Variants in CHST11 observed in about 807,000 individuals in gnomAD.
CHST11 encodes the protein carbohydrate sulfotransferase 11, also known as C4S-1.
In CHST11, 9 loss-of-function variants were observed where a neutral mutation model predicts 30.4. The observed-to-expected ratio is 0.30, with a 90% CI of 0.18 to 0.52. The LOEUF (loss-of-function observed/expected upper bound fraction) is 0.52. Among genes scored for constraint, CHST11 ranks in the 20% least tolerant of loss-of-function variants. The probability of loss-of-function intolerance (pLI) is 0.97; values close to 1 mark genes in which losing one functional copy is unlikely to be tolerated. For synonymous variants in CHST11, 152 were observed against 187.8 expected (o/e 0.81, Z 1.56); for missense variants, 348 against 460.6 (o/e 0.76, Z 2.24).
chr12:104,578,628 T>A (rs1304255544), intron 1 of CHST11, among the ~76,000 whole-genome samples: 1 of 152,206 alleles, frequency 6.6e-6, no homozygotes, highest in East Asian at 1.9e-4. Flanking sequence ...TGTCCCAGAA[T>A]CCCTAAGTCC....
At chr12:104,590,580 A>G (rs569670037) in intron 1 of CHST11, among the ~76,000 whole-genome samples, 2 of 152,322 alleles carry the variant, frequency 1.3e-5, no homozygotes, top group South Asian at 4.1e-4. Context: ...GACAACAGCC[A>G]ATAAAGCATT....
chr12:104,613,523 G>C (rs2039080289), intron 2 of CHST11, among the ~76,000 whole-genome samples: 1 of 152,160 alleles, frequency 6.6e-6, no homozygotes, highest in African/African-American at 2.4e-5. Flanking sequence ...TCTCATGATA[G>C]TGAGTGAGTT....
At chr12:104,503,045 A>G (rs377456845) in intron 1 of CHST11, among the ~76,000 whole-genome samples, 9 of 152,318 alleles carry the variant, frequency 5.9e-5, no homozygotes, top group African/African-American at 2.2e-4. Flanking sequence ...AGTCTTACAT[A>G]ATATTTAGGT....
chr12:104,478,224 G>A (rs578158611), intron 1 of CHST11, among the ~76,000 whole-genome samples: 13 of 152,250 alleles, frequency 8.5e-5, no homozygotes, highest in African/African-American at 3.1e-4. Context: ...AGCTTCCTGT[G>A]TAGTATTTCT....
chr12:104,706,689 G>C (rs1310726067), intron 2 of CHST11, among the ~76,000 whole-genome samples: 1 of 152,084 alleles, frequency 6.6e-6, no homozygotes, highest in African/African-American at 2.4e-5. Flanking sequence ...TCTGACACGA[G>C]GCTCTCAACA....
intron 2 of CHST11, among the ~76,000 whole-genome samples, chr12:104,654,481 G>A (rs2039523895): frequency 6.6e-6 from 1 of 152,158 alleles, no homozygotes; most frequent in South Asian, 2.1e-4. Flanking sequence ...TGTGCAGTGA[G>A]GACAGTGCAG....
intron 2 of CHST11, among the ~76,000 whole-genome samples, chr12:104,634,567 T>A: frequency 6.6e-6 from 1 of 152,188 alleles, no homozygotes. Flanking sequence ...CGAGGGTCTC[T>A]CCCCTCTTCA....
At chr12:104,651,306 A>G (rs748707196) in intron 2 of CHST11, among the ~76,000 whole-genome samples, 6 of 152,196 alleles carry the variant, frequency 3.9e-5, no homozygotes, top group African/African-American at 7.2e-5. Flanking sequence ...AAAAGTTAAT[A>G]TGAGCCAAGA....
At chr12:104,514,913 G>A (rs540073834) in intron 1 of CHST11, among the ~76,000 whole-genome samples, 13 of 152,272 alleles carry the variant, frequency 8.5e-5, no homozygotes, top group African/African-American at 1.9e-4. Context: ...TTTCCTCAGC[G>A]GTAAACTGGG....
At chr12:104,625,526 A>G (rs1327883967) in intron 2 of CHST11, among the ~76,000 whole-genome samples, 1 of 152,140 alleles carries the variant, frequency 6.6e-6, no homozygotes, top group Non-Finnish European at 1.5e-5. Flanking sequence ...GCTGGTCTTG[A>G]ACTCCTGACC....
At chr12:104,555,498 C>T (rs1284707546) in intron 1 of CHST11, among the ~76,000 whole-genome samples, 1 of 152,226 alleles carries the variant, frequency 6.6e-6, no homozygotes, top group Non-Finnish European at 1.5e-5. Context: ...TTCCTGTCTT[C>T]TCTGCATATT....
Position 104,475,658 on chromosome 12 carries a change from TTATA to T in CHST11, c.118+18159_118+18162del, listed in dbSNP as rs67453124. 5.7e-3 allele frequency among the ~76,000 whole-genome samples: 196 copies of T among 34,156 alleles called. 4 individuals carry two copies. The highest frequency in any genetic ancestry group is 0.026 in the Middle Eastern group (1 of 38). 22.4% of individuals were successfully genotyped at this position (34,156 alleles called of 152,430 possible). On this transcript the variant is annotated intron_variant, in intron 1 of 2. Coordinates refer to ENST00000303694, the MANE Select transcript of CHST11 (RefSeq NM_018413.6). ...TATGATGCCTCAGAGTAAAGCAGCATTATATATATATATATATATATATATATAT... is the reference window on the plus strand; with the variant it reads ...TATGATGCCTCAGAGTAAAGCAGCATTATATATATATATATATATATATAT...
intron 1 of CHST11, among the ~76,000 whole-genome samples, chr12:104,486,681 C>T (rs769469671): frequency 2.2e-4 from 33 of 152,220 alleles, no homozygotes; most frequent in Middle Eastern, 3.4e-3. Context: ...TTGCCAGGGC[C>T]GCTCCCTGGC....
rs146105974 is a variant in CHST11, at chr12:104,570,880, G to A, written c.119-31026G>A. Among the ~76,000 whole-genome samples the A allele has an allele frequency of 3.6e-3, 554 of 152,062 alleles. 5 individuals are homozygous for A. The highest frequency in any genetic ancestry group is 0.018 in the East Asian group (94 of 5,162). On this transcript the variant is annotated intron_variant, in intron 1 of 2. Coordinates refer to ENST00000303694, the MANE Select transcript of CHST11 (RefSeq NM_018413.6). ...TATTTTTTGTATTTTTAGTAGAGAC[G>A]GAGTTTCGCCATGTTGACCAGGCTG...
At position 104,544,180 on chromosome 12, in the gene CHST11, A is replaced by C. The variant is rs150963089; in HGVS notation, c.119-57726A>C. Among the ~76,000 whole-genome samples, 41 of 148,634 alleles carry C rather than the reference A, an allele frequency of 2.8e-4. 1 individual carries two copies. Among genetic ancestry groups the C allele is most frequent in the African/African-American group, 1.0e-3 (41 of 39,726 alleles). On this transcript the variant is annotated intron_variant, in intron 1 of 2. Transcript: ENST00000303694. ...AAAGAAAGAAAGAAAGAAAGAAAGA[A>C]AGACCTGAAAAGAACTAATTAACGC...
chr12:104,499,143 G>C (rs962688128), intron 1 of CHST11, among the ~76,000 whole-genome samples: 2 of 152,194 alleles, frequency 1.3e-5, no homozygotes, highest in African/African-American at 4.8e-5. Context: ...CCAGAGAATA[G>C]AGTAACACTC....
chr12:104,525,751 G>T (rs1316759866), intron 1 of CHST11, among the ~76,000 whole-genome samples: 1 of 152,180 alleles, frequency 6.6e-6, no homozygotes, highest in Non-Finnish European at 1.5e-5. Context: ...CCAAATATTG[G>T]TCATTGGAGG....
chr12:104,469,218 A>T (rs982135302), intron 1 of CHST11, among the ~76,000 whole-genome samples: 6 of 152,182 alleles, frequency 3.9e-5, no homozygotes, highest in African/African-American at 1.4e-4. Context: ...TTCTCTCTGT[A>T]TGTGCTCACC....
At chr12:104,570,680 G>A (rs2038615325) in intron 1 of CHST11, among the ~76,000 whole-genome samples, 1 of 149,900 alleles carries the variant, frequency 6.7e-6, no homozygotes, top group African/African-American at 2.5e-5. Context: ...TTCAGTATAT[G>A]TAAGCCACTG....
Sources: allele counts gnomAD v4.1 joint callset (sites outside exome capture counted in the v4.1 genomes callset), GRCh38; gene constraint gnomAD v4.1.1; transcripts MANE v1.5; gene names NCBI Gene and HGNC (gene_info 2026-07-23, HGNC 2026-07-21).